The following CNTN5 variants were observed in gnomAD, a reference collection of about 807,000 sequenced individuals.
CNTN5 encodes the protein contactin-5.
In CNTN5, 77 loss-of-function variants were observed where a neutral mutation model predicts 129.1. The observed-to-expected ratio is 0.60, with a 90% CI of 0.50 to 0.72. The LOEUF (loss-of-function observed/expected upper bound fraction) is 0.72. Among genes scored for constraint, CNTN5 ranks in the 30% least tolerant of loss-of-function variants. The probability of loss-of-function intolerance (pLI) is 0.00; values close to 1 mark genes in which losing one functional copy is unlikely to be tolerated. For synonymous variants in CNTN5, 509 were observed against 465.6 expected (o/e 1.09, Z -1.20); for missense variants, 1,478 against 1,328.8 (o/e 1.11, Z -1.75).
rs568450943 is a variant in CNTN5, at chr11:99,543,848, G to GA, written c.-70-12295dup. ...TGGCAGGAGAATTGCTTGAACTCAG[G>GA]AATCGGAGGTTGCAGTGAGCTGAGA... is the stretch of plus-strand genomic sequence containing the variant. On this transcript the variant is annotated intron_variant, in intron 2 of 24. Coordinates refer to ENST00000524871, the MANE Select transcript of CNTN5 (RefSeq NM_014361.4). 3.6e-3 allele frequency among the ~76,000 whole-genome samples: 499 copies of GA among 136,766 alleles called. 5 individuals are homozygous for GA. Among genetic ancestry groups the GA allele is most frequent in the African/African-American group, 0.013 (474 of 36,978 alleles). The allele number at this position is 136,766 out of a possible 152,430, so 89.7% of individuals were successfully genotyped here.
chr11:100,099,492 A>T lies in CNTN5; in HGVS notation c.1580+25198A>T, dbSNP rs889116146. Among the ~76,000 whole-genome samples the T allele has an allele frequency of 5.9e-5, 9 of 152,000 alleles. No individual in the cohort carries two copies. The East Asian group carries it at 1.7e-3, about 29-fold the overall frequency. On this transcript the variant is annotated intron_variant, in intron 13 of 24. Coordinates refer to ENST00000524871, the MANE Select transcript of CNTN5 (RefSeq NM_014361.4). The stretch of plus-strand genomic sequence containing the variant: ...TTTAATTAGTTTGTCCATTGGTTAG[A>T]CTCTACTCTGTTCCAAAATGGTTTA...
At chr11:99,172,058 C>T (rs1476394992) in intron 1 of CNTN5, among the ~76,000 whole-genome samples, 2 of 152,134 alleles carry the variant, frequency 1.3e-5, no homozygotes, top group Non-Finnish European at 2.9e-5. Flanking sequence ...TACAAAAGGA[C>T]ATTTAGAAAC....
chr11:99,460,242 G>C (rs1215936655), intron 2 of CNTN5, among the ~76,000 whole-genome samples: 1 of 151,084 alleles, frequency 6.6e-6, no homozygotes, highest in Non-Finnish European at 1.5e-5. Context: ...CTCTTAAATA[G>C]AAATTTTTAA....
chr11:99,156,188 G>A (rs1026347615), intron 1 of CNTN5, among the ~76,000 whole-genome samples: 1 of 151,860 alleles, frequency 6.6e-6, no homozygotes, highest in Non-Finnish European at 1.5e-5. Flanking sequence ...ATAATAAAAA[G>A]ATTGTATAAA....
intron 6 of CNTN5, among the ~76,000 whole-genome samples, chr11:99,883,711 A>T (rs981528932): frequency 3.3e-5 from 5 of 152,234 alleles, no homozygotes; most frequent in African/African-American, 1.2e-4. Context: ...TTTATAAAGT[A>T]TGGCTGTCTG....
chr11:99,329,295 G>T (rs944529717), intron 2 of CNTN5, among the ~76,000 whole-genome samples: 1 of 152,114 alleles, frequency 6.6e-6, no homozygotes, highest in Non-Finnish European at 1.5e-5. Flanking sequence ...TTGAAAACAT[G>T]CAAACACTTT....
At chr11:99,575,421 T>C (rs1486026162) in intron 3 of CNTN5, among the ~76,000 whole-genome samples, 1 of 152,162 alleles carries the variant, frequency 6.6e-6, no homozygotes, top group Non-Finnish European at 1.5e-5. Flanking sequence ...CATTGGAGTG[T>C]CTGCAGAGAG....
At chr11:99,233,607 G>A (rs1261906456) in intron 1 of CNTN5, among the ~76,000 whole-genome samples, 1 of 152,146 alleles carries the variant, frequency 6.6e-6, no homozygotes, top group Non-Finnish European at 1.5e-5. Context: ...GTAAAATGGT[G>A]TTGTGAATAA....
intron 2 of CNTN5, among the ~76,000 whole-genome samples, chr11:99,508,962 T>A (rs1166909665): frequency 6.6e-6 from 1 of 152,166 alleles, no homozygotes; most frequent in East Asian, 1.9e-4. Context: ...ATTACAGGCG[T>A]GAGCCACCAT....
chr11:100,145,982 TTTATC>T (rs1230908956), intron 13 of CNTN5, among the ~76,000 whole-genome samples: 1 of 152,172 alleles, frequency 6.6e-6, no homozygotes, highest in Non-Finnish European at 1.5e-5. Context: ...ATAGAGAAGT[TTTATC>T]TTAATGTGTG....
At chr11:100,231,928 C>A in intron 16 of CNTN5, among the ~76,000 whole-genome samples, 1 of 152,186 alleles carries the variant, frequency 6.6e-6, no homozygotes, top group African/African-American at 2.4e-5. Context: ...GCAAGGTGGG[C>A]AGATCACTTG....
At chr11:99,451,807 T>C (rs984526840) in intron 2 of CNTN5, among the ~76,000 whole-genome samples, 4 of 152,168 alleles carry the variant, frequency 2.6e-5, no homozygotes, top group African/African-American at 7.2e-5. Flanking sequence ...CATAATCTTC[T>C]TATGTTTTAA....
chr11:100,102,760 A>C (rs1166757653), intron 13 of CNTN5, among the ~76,000 whole-genome samples: 1 of 152,158 alleles, frequency 6.6e-6, no homozygotes, highest in African/African-American at 2.4e-5. Context: ...CAGGACTGTA[A>C]GATTTTTAAT....
At chr11:99,807,133 TATA>T (rs1259522182) in intron 3 of CNTN5, among the ~76,000 whole-genome samples, 27 of 152,066 alleles carry the variant, frequency 1.8e-4, no homozygotes, top group Non-Finnish European at 3.1e-4. Flanking sequence ...TGATTTCCAC[TATA>T]ATATTTGTAG....
intron 9 of CNTN5, among the ~76,000 whole-genome samples, chr11:100,053,265 A>T (rs192025969): frequency 6.6e-6 from 1 of 151,878 alleles, no homozygotes; most frequent in East Asian, 1.9e-4. Flanking sequence ...ATCAAAATTA[A>T]AACCTGCTTT....
chr11:99,747,978 T>C (rs1944110676), intron 3 of CNTN5, among the ~76,000 whole-genome samples: 1 of 152,210 alleles, frequency 6.6e-6, no homozygotes, highest in South Asian at 2.1e-4. Context: ...CACATGATTT[T>C]TATTCTTCAT....
intron 1 of CNTN5, among the ~76,000 whole-genome samples, chr11:99,238,330 G>A (rs1861381231): frequency 6.6e-6 from 1 of 152,128 alleles, no homozygotes; most frequent in Non-Finnish European, 1.5e-5. Flanking sequence ...TGGGGCGTTT[G>A]ACCTTGATTT....
At chr11:99,365,338 TCAAA>T (rs1473545975) in intron 2 of CNTN5, among the ~76,000 whole-genome samples, 2 of 152,192 alleles carry the variant, frequency 1.3e-5, no homozygotes, top group African/African-American at 4.8e-5. Context: ...TTAACATTGT[TCAAA>T]CAGACAAAAT....
chr11:100,098,993 G>A (rs895361769), intron 13 of CNTN5, among the ~76,000 whole-genome samples: 5 of 152,012 alleles, frequency 3.3e-5, no homozygotes, highest in African/African-American at 9.7e-5. Context: ...ATGTCACAGA[G>A]CAGGTCCAGA....
Sources: gnomAD v4.1 joint callset for allele counts (sites outside exome capture counted in the v4.1 genomes callset) on GRCh38, gnomAD v4.1.1 for gene constraint, MANE v1.5 for transcripts, NCBI Gene and HGNC (gene_info 2026-07-23, HGNC 2026-07-21) for gene names.